Variants in NUBP1 observed in about 807,000 individuals in gnomAD.
NUBP1 encodes the protein NUBP iron-sulfur cluster assembly factor 1, cytosolic, also known as cytosolic Fe-S cluster assembly factor NUBP1.
Under a neutral mutation model 41.8 loss-of-function variants are expected in NUBP1, and 46 were observed. The observed-to-expected ratio is 1.10, with a 90% CI of 0.87 to 1.41. The LOEUF is 1.41. Ranked by LOEUF, NUBP1 falls within the 40% of genes most tolerant of loss-of-function variation. NUBP1 has a pLI of 0.00. For synonymous variants in NUBP1, 189 were observed against 154.6 expected (o/e 1.22, Z -1.65); for missense variants, 494 against 414.0 (o/e 1.19, Z -1.68).
chr16:10,753,535 G>A (rs960587523), intron 4 of NUBP1, among the ~76,000 whole-genome samples: 1 of 152,148 alleles, frequency 6.6e-6, no homozygotes, highest in African/African-American at 2.4e-5. Flanking sequence ...GGCTGGGGGT[G>A]CTGGGATGTC....
rs2031249658 is a variant in NUBP1 at position 10,768,583 on chromosome 16, G to A, written c.905-464G>A. The A allele has an allele frequency of 6.4e-6, 1 of 157,300 alleles. No homozygotes were observed. Among genetic ancestry groups the A allele is most frequent in the African/African-American group, 2.4e-5 (1 of 41,538 alleles). The allele number at this position is 157,300 out of a possible 1,614,324, so 9.7% of individuals were successfully genotyped here. A position where few individuals can be genotyped will look rare whatever the true frequency, so the allele number is the denominator to read the frequency against. ...GATCGCGCCACTGCACTCCAGCCTG[G>A]GCAACAGCGTGAGACCGTGTCTCAA... is the stretch of plus-strand genomic sequence containing the variant. On this transcript the variant is annotated intron_variant, in intron 10 of 10. Coordinates refer to ENST00000283027, the MANE Select transcript of NUBP1 (RefSeq NM_002484.4). This position sits in a 1 kb window ranked among gnomAD's most constrained non-coding sequence, Gnocchi z 4.3.
intron 2 of NUBP1, 77 bp downstream of exon 2, chr16:10,744,142 G>A (rs916916469): frequency 3.3e-6 from 4 of 1,223,764 alleles, no homozygotes; most frequent in African/African-American, 1.6e-5. Context: ...GGGAGGGGGC[G>A]GGATCTGCAG....
rs147428145 is a variant in NUBP1 at position 10,755,060 on chromosome 16, A to C, written c.328-661A>C. On this transcript the variant is annotated intron_variant, in intron 4 of 10. Coordinates refer to ENST00000283027, the MANE Select transcript of NUBP1 (RefSeq NM_002484.4). Reference sequence around the variant, plus strand: ...ACCCCATCTCAAAAATAAAAATAAAAAATAAAACTGTGGTGATGGCTGCAT... The same window carrying C: ...ACCCCATCTCAAAAATAAAAATAAACAATAAAACTGTGGTGATGGCTGCAT... Among the ~76,000 whole-genome samples the C allele has an allele frequency of 7.2e-3, 1,098 of 152,278 alleles. 7 individuals carry two copies. The highest frequency in any genetic ancestry group is 0.013 in the Admixed American group (202 of 15,290).
intron 5 of NUBP1, 23 bp from the exon 6 acceptor site, chr16:10,756,667 C>T (rs1900578931): frequency 1.3e-6 from 2 of 1,522,264 alleles, no homozygotes; most frequent in Non-Finnish European, 8.8e-7. Flanking sequence ...GCGTGTCTTG[C>T]CCTCACCCTG....
chr16:10,754,647 G>C (rs570354502), intron 4 of NUBP1, among the ~76,000 whole-genome samples: 8 of 152,332 alleles, frequency 5.3e-5, no homozygotes, highest in African/African-American at 1.4e-4. Context: ...GTGAGAGAAA[G>C]TGGATTAGGG....
At chr16:10,754,331 C>T (rs1900457736) in intron 4 of NUBP1, among the ~76,000 whole-genome samples, 1 of 152,078 alleles carries the variant, frequency 6.6e-6, no homozygotes, top group Non-Finnish European at 1.5e-5. Context: ...CAACCTCCGC[C>T]TCCCGGGCTC....
At chr16:10,744,241 G>A (rs1295268794) in intron 2 of NUBP1, among the ~76,000 whole-genome samples, 176 bp downstream of exon 2, 1 of 152,220 alleles carries the variant, frequency 6.6e-6, no homozygotes, top group Non-Finnish European at 1.5e-5. Context: ...GGCAGGGTGA[G>A]GGCGGAGCTT....
rs1255032357 is a variant in NUBP1, at chr16:10,766,394, C to T, written c.821-1555C>T. Among the ~76,000 whole-genome samples the T allele has an allele frequency of 1.3e-5, 2 of 152,052 alleles. No homozygotes were observed. Among genetic ancestry groups the T allele is most frequent in the Admixed American group, 6.6e-5 (1 of 15,256 alleles). On this transcript the variant is annotated intron_variant, in intron 9 of 10. Transcript: ENST00000283027. The surrounding 1 kb of genome is among the most constrained non-coding windows in gnomAD (Gnocchi z 4.8). ...CTGCCCGTTCTTGGAGAGGTGGGAG[C>T]CCAGGGGGAAATGCAGTTAGGAAGG...
chr16:10,746,144 G>A (rs899524102), intron 2 of NUBP1, among the ~76,000 whole-genome samples: 12 of 152,222 alleles, frequency 7.9e-5, no homozygotes, highest in African/African-American at 2.7e-4. Context: ...CTGTTGATGG[G>A]GAGGAGGACA....
At position 10,768,179 on chromosome 16, in the gene NUBP1, A is replaced by G. The variant is rs2031182693; in HGVS notation, c.904+147A>G. 3.2e-6 allele frequency: 2 copies of G among 629,972 alleles called. No homozygotes were observed. The highest frequency in any genetic ancestry group is 1.8e-5 in the African/African-American group (1 of 54,290). The allele number at this position is 629,972 out of a possible 1,614,324, so 39.0% of individuals were successfully genotyped here. A position where few individuals can be genotyped will look rare whatever the true frequency, so the allele number is the denominator to read the frequency against. On this transcript the variant is annotated intron_variant, in intron 10 of 10. Transcript: ENST00000283027. The surrounding 1 kb of genome is among the most constrained non-coding windows in gnomAD (Gnocchi z 4.3). ...TAGCCGAGGAAGCCAGGAGTCCATG[A>G]GAAATCTCTCAATGTGTGAGTATTG...
Position 10,768,995 on chromosome 16 carries a change from T to A in NUBP1, c.905-52T>A. ...CCCTCCCCAGCACAGGACAGGGCTG[T>A]CAAGGGGTAGACAAGCCATTAGCAC... On this transcript the variant is annotated intron_variant, in intron 10 of 10. Coordinates refer to ENST00000283027, the MANE Select transcript of NUBP1 (RefSeq NM_002484.4). This position sits in a 1 kb window ranked among gnomAD's most constrained non-coding sequence, Gnocchi z 4.3. 6.5e-7 allele frequency: 1 copy of A among 1,539,912 alleles called. No individual in the cohort carries two copies. Among genetic ancestry groups the A allele is most frequent in the Admixed American group, 1.7e-5 (1 of 59,864 alleles).
chr16:10,767,139 C>T lies in NUBP1; in HGVS notation c.821-810C>T, dbSNP rs1420436182. On this transcript the variant is annotated intron_variant, in intron 9 of 10. Coordinates refer to ENST00000283027, the MANE Select transcript of NUBP1 (RefSeq NM_002484.4). The surrounding 1 kb of genome is among the most constrained non-coding windows in gnomAD (Gnocchi z 4.6). ...GGGCAGTGCAGTCACTTGCCTGTTT[C>T]GCCAGCAGCTCAGGCCTGGGGAGTG... 2 of 398,898 alleles carry T rather than the reference C, an allele frequency of 5.0e-6. No individual in the cohort carries two copies. The highest frequency in any genetic ancestry group is 8.8e-6 in the Non-Finnish European group (2 of 226,282). The allele number at this position is 398,898 out of a possible 1,614,324, so 24.7% of individuals were successfully genotyped here.
intron 7 of NUBP1, 63 bp downstream of exon 7, chr16:10,758,090 T>C (rs926880831): frequency 6.4e-7 from 1 of 1,566,524 alleles, no homozygotes; most frequent in African/African-American, 1.3e-5. Context: ...ATTTCTTTCC[T>C]ACCTGGCTCT....
intron 6 of NUBP1, 91 bp downstream of exon 6, chr16:10,756,871 C>A: frequency 2.1e-6 from 2 of 963,158 alleles, no homozygotes; most frequent in South Asian, 1.6e-5. Flanking sequence ...CCAGTCTCAG[C>A]CTGCTGGACT....
At chr16:10,743,924 C>T (rs1193408090) in intron 1 of NUBP1, 37 bp from the exon 2 acceptor site, 5 of 1,582,094 alleles carry the variant, frequency 3.2e-6, no homozygotes, top group East Asian at 4.6e-5. Flanking sequence ...GCGAAAGTGT[C>T]GGGAGCTGCT....
chr16:10,747,085 C>T (rs946762676), intron 2 of NUBP1, 58 bp from the exon 3 acceptor site: 15 of 1,599,346 alleles, frequency 9.4e-6, no homozygotes, highest in Admixed American at 5.1e-5. Flanking sequence ...TGACTGGAAG[C>T]GTGACATTCG....
chr16:10,768,049 G>C lies in NUBP1; in HGVS notation c.904+17G>C, dbSNP rs1038522348. On this transcript the variant is annotated intron_variant, in intron 10 of 10. Transcript: ENST00000283027. The surrounding 1 kb of genome is among the most constrained non-coding windows in gnomAD (Gnocchi z 4.3). ...TAATTCAGAGTAAGTATTTCCATGA[G>C]TACTAAATGCAGATGCCTGTGGGGC... 4 of 1,611,134 alleles carry C rather than the reference G, an allele frequency of 2.5e-6. No individual in the cohort carries two copies. Among genetic ancestry groups the C allele is most frequent in the African/African-American group, 1.3e-5 (1 of 74,864 alleles).
chr16:10,752,125 C>T (rs1900346433), intron 3 of NUBP1, among the ~76,000 whole-genome samples: 1 of 152,200 alleles, frequency 6.6e-6, no homozygotes, highest in African/African-American at 2.4e-5. Context: ...TGGCTTGTAT[C>T]TGAGACTCCT....
chr16:10,762,910 G>A lies in NUBP1; in HGVS notation c.820+1051G>A, dbSNP rs773415020. ...GAAGGGCTGCATGGGGAGAATGGGA[G>A]CCTGTGGGAAACGACTGTCAGTGTC... On this transcript the variant is annotated intron_variant, in intron 9 of 10. Transcript: ENST00000283027. 1.2e-3 allele frequency among the ~76,000 whole-genome samples: 178 copies of A among 152,258 alleles called. 4 individuals carry two copies. Among genetic ancestry groups the A allele is most frequent in the Middle Eastern group, 3.4e-3 (1 of 294 alleles).
Sources: allele counts gnomAD v4.1 joint callset (sites outside exome capture counted in the v4.1 genomes callset), GRCh38; gene constraint gnomAD v4.1.1; non-coding constraint Gnocchi (gnomAD v3.1); transcripts MANE v1.5; gene names NCBI Gene and HGNC (gene_info 2026-07-23, HGNC 2026-07-21).